HGD: variants seen among roughly 807,000 people sequenced by gnomAD.
The protein encoded by HGD is homogentisate 1,2-dioxygenase.
Under a neutral mutation model 60.8 loss-of-function variants are expected in HGD, and 61 were observed. The observed-to-expected ratio is 1.00, with a 90% confidence interval of 0.82 to 1.24. The LOEUF is 1.24. Among genes scored for constraint, HGD ranks in the 50% most tolerant of loss-of-function variants. The pLI is 0.00. For missense variants in HGD, 542 were observed against 547.1 expected, an observed-to-expected ratio of 0.99 and a Z score of 0.09; for synonymous variants, 212 against 187.7, an observed-to-expected ratio of 1.13 and a Z score of -1.06.
chr3:120,656,565 G>GT (rs964722153), intron 4 of HGD, among the ~76,000 whole-genome samples: 5 of 150,694 alleles, frequency 3.3e-5, no homozygotes, highest in Admixed American at 6.6e-5. Context: ...CTTTTTTTTG[G>GT]GGGGGGGTTG....
At position 120,633,156 on chromosome 3, in the gene HGD, A is replaced by G. The variant is rs146482816; in HGVS notation, c.1179T>C (p.Asp393=). ...CAGTTAACATACTTACCATGGTGCC[A>G]TCGGCAATCCTCTCAGGTGCCAGCT... The part of the protein sequence containing the change: ...KVKLAPERIA[D]GTMAFMFESS... Residue 393 remains aspartate, a synonymous_variant, in exon 13 of 14, where the codon GAT becomes GAC. Transcript: ENST00000283871. The G allele has an allele frequency of 0.013, 21,647 of 1,614,046 alleles. 208 individuals are homozygous for G. Among genetic ancestry groups the G allele is most frequent in the South Asian group, 0.024 (2,200 of 91,082 alleles).
chr3:120,674,159 C>CA (rs1490268111), intron 3 of HGD, among the ~76,000 whole-genome samples: 1 of 152,202 alleles, frequency 6.6e-6, no homozygotes, highest in African/African-American at 2.4e-5. Flanking sequence ...CTAATACCAG[C>CA]AGCATTCCTC....
rs368344978 is a variant in HGD at position 120,652,593 on chromosome 3, C to G, written c.341G>C (p.Ser114Thr). Reference protein sequence around the residue: ...KASQKKVDFVSGLHTLCGAGD... With the variant: ...KASQKKVDFVTGLHTLCGAGD... ...AGGGTGTGGATGGGACTGACTTACACTCACAAAGTCTACTTTCTTCTGAGA... is the reference window on the plus strand; with the variant it reads ...AGGGTGTGGATGGGACTGACTTACAGTCACAAAGTCTACTTTCTTCTGAGA... Residue 114 changes from serine (S) to threonine (T), a missense_variant and splice_region_variant, in exon 5 of 14, where the codon AGT becomes ACT. Around this residue, in one of 2 missense-constraint regions of HGD, gnomAD observed 537 missense variants for 529.1 expected, o/e 1.01. Transcript: ENST00000283871. 3.1e-6 allele frequency: 5 copies of G among 1,611,554 alleles called. No individual in the cohort carries two copies. Among genetic ancestry groups the G allele is most frequent in the Admixed American group, 1.7e-5 (1 of 59,990 alleles).
chr3:120,668,999 AT>A (rs1363724540), intron 4 of HGD, among the ~76,000 whole-genome samples: 17 of 152,314 alleles, frequency 1.1e-4, no homozygotes, highest in African/African-American at 4.1e-4. Context: ...ATTTTATCTT[AT>A]ATACTCTGCA....
chr3:120,629,164 G>C (rs1940506682), intron 13 of HGD, among the ~76,000 whole-genome samples: 1 of 152,194 alleles, frequency 6.6e-6, no homozygotes, highest in African/African-American at 2.4e-5. Flanking sequence ...ATGTTGCACT[G>C]TCAGGAGGTT....
At chr3:120,631,304 A>T (rs1271984516) in intron 13 of HGD, among the ~76,000 whole-genome samples, 4 of 152,324 alleles carry the variant, frequency 2.6e-5, no homozygotes, top group Non-Finnish European at 5.9e-5. Flanking sequence ...TAACAGGGTG[A>T]CCATAGTCAA....
intron 9 of HGD, chr3:120,644,698 T>C (rs1941105578): frequency 1.7e-6 from 2 of 1,176,094 alleles, no homozygotes; most frequent in South Asian, 1.3e-5. Flanking sequence ...AACAATCTTA[T>C]ATGCATTATC....
rs138372870 is a variant in HGD, at chr3:120,631,897, C to T, written c.1188+1250G>A. 2.0e-4 allele frequency among the ~76,000 whole-genome samples: 30 copies of T among 152,308 alleles called. No homozygotes were observed. The East Asian group carries it at 4.2e-3, about 22-fold the overall frequency. On this transcript the variant is annotated intron_variant, in intron 13 of 13. Transcript: ENST00000283871. The stretch of plus-strand genomic sequence containing the variant: ...TCCTCATAGAAACAGCCCTGTCCTA[C>T]GCCTCACTGTTGTAAAACACAGCTC...
At chr3:120,666,891 G>T (rs1315448827) in intron 4 of HGD, among the ~76,000 whole-genome samples, 1 of 152,146 alleles carries the variant, frequency 6.6e-6, no homozygotes, top group Non-Finnish European at 1.5e-5. Flanking sequence ...CAAAATGTAT[G>T]TCAACTATTT....
chr3:120,672,269 TC>T (rs1377698446), intron 3 of HGD, among the ~76,000 whole-genome samples: 1 of 152,176 alleles, frequency 6.6e-6, no homozygotes, highest in Non-Finnish European at 1.5e-5. Flanking sequence ...GTGTGTCCTC[TC>T]TACCAGGACC....
chr3:120,665,236 T>C (rs1416825495), intron 4 of HGD, among the ~76,000 whole-genome samples: 1 of 152,258 alleles, frequency 6.6e-6, no homozygotes, highest in Non-Finnish European at 1.5e-5. Context: ...AGGCATTTTA[T>C]GATATGTTCT....
chr3:120,672,505 T>A (rs564919421), intron 3 of HGD, among the ~76,000 whole-genome samples: 1 of 152,080 alleles, frequency 6.6e-6, no homozygotes, highest in Admixed American at 6.6e-5. Flanking sequence ...CCTCAGTGAG[T>A]TGAGTTGGCC....
chr3:120,668,987 T>A (rs994626275), intron 4 of HGD, among the ~76,000 whole-genome samples: 2 of 152,218 alleles, frequency 1.3e-5, no homozygotes, highest in African/African-American at 4.8e-5. Context: ...TGGTTCTGTC[T>A]CATTTTATCT....
At chr3:120,631,730 A>C (rs1211741240) in intron 13 of HGD, among the ~76,000 whole-genome samples, 4 of 152,182 alleles carry the variant, frequency 2.6e-5, no homozygotes, top group Admixed American at 6.5e-5. Context: ...TGAATTATAT[A>C]ATGGGAAATG....
intron 11 of HGD, among the ~76,000 whole-genome samples, chr3:120,638,851 C>T (rs543298478): frequency 3.4e-4 from 51 of 152,202 alleles, no homozygotes; most frequent in African/African-American, 1.2e-3. Flanking sequence ...CCATAATCCC[C>T]ACATGTTGTG....
At chr3:120,659,307 T>G (rs916966283) in intron 4 of HGD, among the ~76,000 whole-genome samples, 8 of 152,236 alleles carry the variant, frequency 5.3e-5, no homozygotes, top group African/African-American at 1.9e-4. Context: ...CTCATGCATG[T>G]GGGCATAGGC....
chr3:120,665,144 T>C (rs35836102), intron 4 of HGD, among the ~76,000 whole-genome samples: 1,819 of 152,324 alleles, frequency 0.012, 16 homozygotes, highest in Non-Finnish European at 0.018. Flanking sequence ...CCTGGAAAGT[T>C]TGACAAATTA....
chr3:120,652,464 CA>C (rs1941371234), intron 5 of HGD, 127 bp downstream of exon 5: 2 of 717,406 alleles, frequency 2.8e-6, no homozygotes, highest in Non-Finnish European at 2.6e-6. Flanking sequence ...AAAGCATACG[CA>C]GGTGGTTTTG....
intron 3 of HGD, among the ~76,000 whole-genome samples, chr3:120,672,433 G>A (rs1160574139): frequency 2.0e-5 from 3 of 152,140 alleles, no homozygotes; most frequent in Admixed American, 2.0e-4. Flanking sequence ...AATACAGAAG[G>A]ACAACGGAAG....
Sources: allele counts gnomAD v4.1 joint callset (sites outside exome capture counted in the v4.1 genomes callset), GRCh38; gene constraint gnomAD v4.1.1; regional missense constraint gnomAD v4.1.1; transcripts MANE v1.5; gene names NCBI Gene and HGNC (gene_info 2026-07-23, HGNC 2026-07-21).